The following EYS variants were observed in gnomAD, a reference collection of about 807,000 sequenced individuals.
EYS encodes the protein protein eyes shut homolog.
Under a neutral mutation model 282.1 loss-of-function variants are expected in EYS, and 250 were observed. That is an observed-to-expected ratio of 0.89 (90% CI 0.80 to 0.98). EYS has a LOEUF of 0.98. Among genes scored for constraint, EYS ranks in the 50% least tolerant of loss-of-function variants. The pLI, the probability that EYS is intolerant of heterozygous loss-of-function variation, is 0.00. For missense variants in EYS, 4,016 were observed against 3,709.0 expected (o/e 1.08, Z -2.15); for synonymous variants, 1,355 against 1,282.9 (o/e 1.06, Z -1.20).
chr6:65,694,804 G>A (rs570682864), intron 1 of EYS, among the ~76,000 whole-genome samples: 1 of 150,882 alleles, frequency 6.6e-6, no homozygotes, highest in African/African-American at 2.4e-5. Flanking sequence ...AGTTTGCTCT[G>A]CTATGTTAGA....
At chr6:65,509,052 G>A (rs1203180334) in intron 2 of EYS, among the ~76,000 whole-genome samples, 4 of 152,130 alleles carry the variant, frequency 2.6e-5, no homozygotes, top group African/African-American at 9.7e-5. Flanking sequence ...AGATGACTCA[G>A]GACCCAGAGG....
chr6:65,140,560 C>T (rs1259928849), intron 12 of EYS, among the ~76,000 whole-genome samples: 1 of 151,276 alleles, frequency 6.6e-6, no homozygotes, highest in Non-Finnish European at 1.5e-5. Context: ...AGGCAACCTA[C>T]AAAATGGGAG....
intron 22 of EYS, among the ~76,000 whole-genome samples, chr6:64,762,577 A>G (rs569464501): frequency 6.6e-6 from 1 of 152,080 alleles, no homozygotes; most frequent in African/African-American, 2.4e-5. Flanking sequence ...TTTCTGTTGT[A>G]TTTCTTGCTT....
intron 5 of EYS, among the ~76,000 whole-genome samples, chr6:65,407,646 G>A (rs1766808105): frequency 6.6e-6 from 1 of 152,150 alleles, no homozygotes; most frequent in Non-Finnish European, 1.5e-5. Context: ...ACTAGTGCTA[G>A]TAGTTCTTTG....
intron 31 of EYS, among the ~76,000 whole-genome samples, chr6:64,114,153 G>A (rs760238744): frequency 1.3e-5 from 2 of 152,056 alleles, no homozygotes; most frequent in Admixed American, 6.6e-5. Context: ...AATATTATGA[G>A]CTAGATTTGA....
chr6:64,275,702 AT>A (rs1768087743), intron 30 of EYS, among the ~76,000 whole-genome samples: 1 of 151,420 alleles, frequency 6.6e-6, no homozygotes, highest in African/African-American at 2.4e-5. Context: ...CACCCCTGTA[AT>A]CCCATCACTT....
intron 35 of EYS, among the ~76,000 whole-genome samples, chr6:63,877,010 TATG>T (rs1284839668): frequency 6.6e-6 from 1 of 152,206 alleles, no homozygotes; most frequent in African/African-American, 2.4e-5. Flanking sequence ...ATCCTGTCAT[TATG>T]ATGTTAGCTG....
chr6:65,535,485 T>A (rs1438982538), intron 2 of EYS, among the ~76,000 whole-genome samples: 1 of 152,156 alleles, frequency 6.6e-6, no homozygotes, highest in South Asian at 2.1e-4. Flanking sequence ...TGCTTCTCCT[T>A]TGCCTTCTGC....
intron 36 of EYS, among the ~76,000 whole-genome samples, chr6:63,816,659 T>C (rs1198530032): frequency 1.3e-5 from 2 of 152,218 alleles, no homozygotes; most frequent in Non-Finnish European, 2.9e-5. Context: ...TTCTAAATAT[T>C]ACTCTCTCTC....
At chr6:63,922,900 T>C (rs774805382) in intron 35 of EYS, among the ~76,000 whole-genome samples, 20 of 152,230 alleles carry the variant, frequency 1.3e-4, no homozygotes, top group Non-Finnish European at 2.2e-4. Context: ...GCTGACCTCA[T>C]TTCTAGTCTT....
chr6:64,958,551 C>T (rs1201977872), intron 14 of EYS, among the ~76,000 whole-genome samples: 1 of 151,282 alleles, frequency 6.6e-6, no homozygotes, highest in African/African-American at 2.4e-5. Flanking sequence ...ATCGAGACCA[C>T]GGTGAAACCC....
At chr6:65,420,076 C>T (rs1767396748) in intron 5 of EYS, among the ~76,000 whole-genome samples, 1 of 151,950 alleles carries the variant, frequency 6.6e-6, no homozygotes, top group Non-Finnish European at 1.5e-5. Context: ...ACTGATGGAT[C>T]AGGGTGGTGG....
At position 65,175,355 on chromosome 6, in the gene EYS, C is replaced by T. The variant is rs183345607; in HGVS notation, c.2024-117628G>A. Among the ~76,000 whole-genome samples the T allele has an allele frequency of 3.3e-5, 5 of 151,298 alleles. No individual in the cohort carries two copies. In the East Asian group the frequency reaches 9.8e-4, roughly 30 times the overall value. On this transcript the variant is annotated intron_variant, in intron 12 of 42. Transcript: ENST00000503581. Reference sequence around the variant, plus strand: ...ATAGTAAAAACTTTTAGATACTATACCAGTCATAGTTAAAGTTACAAACTA... The same window carrying T: ...ATAGTAAAAACTTTTAGATACTATATCAGTCATAGTTAAAGTTACAAACTA...
intron 15 of EYS, among the ~76,000 whole-genome samples, chr6:64,932,132 G>C (rs9453113): frequency 1.2e-3 from 178 of 152,090 alleles, no homozygotes; most frequent in African/African-American, 4.2e-3. Flanking sequence ...TCAGCTTCGT[G>C]GTTGTAAACA....
chr6:65,606,884 A>ATT (rs5876976), intron 2 of EYS, among the ~76,000 whole-genome samples: 120 of 149,886 alleles, frequency 8.0e-4, no homozygotes, highest in African/African-American at 1.8e-3. Context: ...CTTCCAAAGT[A>ATT]TTTTTTTTTT....
intron 5 of EYS, among the ~76,000 whole-genome samples, chr6:65,406,076 A>G (rs1766724486): frequency 6.6e-6 from 1 of 152,088 alleles, no homozygotes; most frequent in East Asian, 1.9e-4. Context: ...ATTCTTGCCA[A>G]CATTTGATAT....
At chr6:65,519,477 T>G (rs919345735) in intron 2 of EYS, among the ~76,000 whole-genome samples, 1 of 150,532 alleles carries the variant, frequency 6.6e-6, no homozygotes, top group African/African-American at 2.4e-5. Context: ...GCATACCAAA[T>G]ACTAGATAAC....
chr6:64,055,442 A>G (rs968264787), intron 33 of EYS, among the ~76,000 whole-genome samples: 2 of 152,182 alleles, frequency 1.3e-5, no homozygotes, highest in Non-Finnish European at 2.9e-5. Context: ...TTCAAAAAAG[A>G]AACATGTAAG....
intron 13 of EYS, among the ~76,000 whole-genome samples, chr6:65,012,214 C>A (rs751926017): frequency 2.0e-5 from 3 of 152,058 alleles, no homozygotes; most frequent in Admixed American, 6.5e-5. Context: ...GTGAAATGTA[C>A]ACAAGTATTT....
Sources: allele counts gnomAD v4.1 joint callset (sites outside exome capture counted in the v4.1 genomes callset), GRCh38; gene constraint gnomAD v4.1.1; transcripts MANE v1.5; gene names NCBI Gene and HGNC (gene_info 2026-07-23, HGNC 2026-07-21).